The following TBXAS1 variants were observed in gnomAD, a reference collection of about 807,000 sequenced individuals.
TBXAS1 encodes thromboxane A synthase 1, also known as thromboxane-A synthase.
A neutral mutation model predicts 60.7 loss-of-function variants in TBXAS1; 48 were observed. The observed-to-expected ratio is 0.79, with a 90% CI of 0.63 to 1.01. The LOEUF is 1.01. Among genes scored for constraint, TBXAS1 ranks in the 50% least tolerant of loss-of-function variants. The pLI is 0.00. For missense variants in TBXAS1, 685 were observed against 686.3 expected (o/e 1.00, Z 0.02); for synonymous variants, 287 against 269.7 (o/e 1.06, Z -0.63).
chr7:139,963,724 C>A (rs754214720), intron 9 of TBXAS1, among the ~76,000 whole-genome samples: 1 of 152,152 alleles, frequency 6.6e-6, no homozygotes, highest in Non-Finnish European at 1.5e-5. Flanking sequence ...CCCAACCCAA[C>A]TGATTTAAGC....
chr7:139,903,236 CT>C (rs1299380500), intron 3 of TBXAS1, among the ~76,000 whole-genome samples: 1 of 152,072 alleles, frequency 6.6e-6, no homozygotes, highest in Non-Finnish European at 1.5e-5. Flanking sequence ...CAGAATAATA[CT>C]CTCCAGTCTC....
intron 3 of TBXAS1, among the ~76,000 whole-genome samples, chr7:139,891,612 T>C (rs1365428939): frequency 6.6e-6 from 1 of 152,166 alleles, no homozygotes; most frequent in Non-Finnish European, 1.5e-5. Flanking sequence ...ACATAATTAT[T>C]TGTTGGTTGA....
intron 4 of TBXAS1, among the ~76,000 whole-genome samples, chr7:139,791,159 T>C (rs1041772517): frequency 1.3e-5 from 2 of 152,190 alleles, no homozygotes; most frequent in African/African-American, 4.8e-5. Context: ...GAAACACTAA[T>C]ATAGTGGAAG....
intron 1 of TBXAS1, among the ~76,000 whole-genome samples, chr7:139,845,740 C>T (rs1052486853): frequency 6.6e-6 from 1 of 152,006 alleles, no homozygotes; most frequent in African/African-American, 2.4e-5. Context: ...TAGAGAATTT[C>T]CATTAATTTC....
intron 4 of TBXAS1, among the ~76,000 whole-genome samples, chr7:139,933,840 C>T (rs554780342): frequency 2.2e-5 from 3 of 138,734 alleles, no homozygotes; most frequent in South Asian, 4.7e-4. Context: ...GTCCCCCAAC[C>T]GCCTGTCTCC....
intron 9 of TBXAS1, among the ~76,000 whole-genome samples, chr7:139,974,959 A>G (rs1267953800): frequency 6.6e-6 from 1 of 152,248 alleles, no homozygotes; most frequent in African/African-American, 2.4e-5. Context: ...CTAATAGGAC[A>G]GAGACAGAAA....
At chr7:139,796,720 A>G (rs912231484) in intron 4 of TBXAS1, among the ~76,000 whole-genome samples, 1 of 152,236 alleles carries the variant, frequency 6.6e-6, no homozygotes, top group Non-Finnish European at 1.5e-5. Flanking sequence ...TGATAGAGGA[A>G]ACTGGAAGGA....
intron 1 of TBXAS1, among the ~76,000 whole-genome samples, chr7:139,858,339 T>G (rs1800726066): frequency 6.6e-6 from 1 of 152,218 alleles, no homozygotes; most frequent in African/African-American, 2.4e-5. Flanking sequence ...GTTTTTGTTT[T>G]TTTCCAGATT....
upstream of TBXAS1, among the ~76,000 whole-genome samples, chr7:139,824,621 A>G (rs931986927): frequency 1.3e-5 from 2 of 152,194 alleles, no homozygotes; most frequent in African/African-American, 2.4e-5. Flanking sequence ...ATAAGTGAGA[A>G]AGACCAGTTG....
chr7:139,926,696 TTC>T (rs1397781131), intron 4 of TBXAS1, among the ~76,000 whole-genome samples: 1 of 152,100 alleles, frequency 6.6e-6, no homozygotes, highest in Admixed American at 6.5e-5. Flanking sequence ...GCTTTTTTAG[TTC>T]TCTAAGATGT....
intron 3 of TBXAS1, among the ~76,000 whole-genome samples, chr7:139,889,635 G>T (rs1340718798): frequency 6.6e-6 from 1 of 152,208 alleles, no homozygotes; most frequent in African/African-American, 2.4e-5. Flanking sequence ...GGAACCAACA[G>T]ATTCATTGTC....
chr7:139,963,659 A>G (rs1810541280), intron 9 of TBXAS1, among the ~76,000 whole-genome samples: 1 of 152,242 alleles, frequency 6.6e-6, no homozygotes, highest in Admixed American at 6.5e-5. Flanking sequence ...AAGAAGTAAA[A>G]GGAGCTGGAA....
chr7:139,837,785 C>T (rs1799165358), intron 1 of TBXAS1, among the ~76,000 whole-genome samples: 1 of 152,098 alleles, frequency 6.6e-6, no homozygotes, highest in Non-Finnish European at 1.5e-5. Context: ...TAACCAAATG[C>T]CACCTGTGCC....
At position 139,986,740 on chromosome 7, in the gene TBXAS1, C is replaced by CATAT. The variant is rs1177275102; in HGVS notation, c.1135-20348_1135-20347insTATA. On this transcript the variant is annotated intron_variant, in intron 9 of 12. Coordinates refer to ENST00000448866, the MANE Select transcript of TBXAS1 (RefSeq NM_001061.7). ...ATTCCATCATATATATATATATATACATACATATATATATATGTGTGTGTG... is the reference window on the plus strand; with the variant it reads ...ATTCCATCATATATATATATATATACATATATACATATATATATATGTGTGTGTG... Among the ~76,000 whole-genome samples the CATAT allele has an allele frequency of 2.8e-3, 196 of 68,818 alleles. 3 individuals are homozygous for CATAT. Among genetic ancestry groups the CATAT allele is most frequent in the African/African-American group, 0.014 (185 of 13,064 alleles). The allele number at this position is 68,818 out of a possible 152,430, so 45.1% of individuals were successfully genotyped here. A position where few individuals can be genotyped will look rare whatever the true frequency, so the allele number is the denominator to read the frequency against.
In TBXAS1 at chr7:139,948,252, C is replaced by T. The variant is rs994808089; in HGVS notation, c.451-5116C>T. Among the ~76,000 whole-genome samples the T allele has an allele frequency of 1.2e-4, 18 of 152,154 alleles. No homozygotes were observed. The South Asian group carries it at 1.7e-3, about 14-fold the overall frequency. On this transcript the variant is annotated intron_variant, in intron 5 of 12. Transcript: ENST00000448866. ...CCTCTCTTTCTGGTTTGTGGGTAGC[C>T]GCCATCTTGCTCTGTGCCCACAAGA...
intron 9 of TBXAS1, 91 bp from the exon 10 acceptor site, chr7:140,007,000 T>A: frequency 1.6e-6 from 2 of 1,271,686 alleles, no homozygotes; most frequent in East Asian, 4.6e-5. Context: ...TTGCCAAAGT[T>A]GGAAACGAGA....
intron 4 of TBXAS1, among the ~76,000 whole-genome samples, chr7:139,824,250 A>C (rs1484337881): frequency 1.3e-5 from 2 of 152,212 alleles, no homozygotes; most frequent in East Asian, 3.8e-4. Context: ...CAGGGTAAGC[A>C]AAGCTCTGTG....
intron 1 of TBXAS1, among the ~76,000 whole-genome samples, chr7:139,850,252 A>T (rs972602013): frequency 6.6e-6 from 1 of 152,252 alleles, no homozygotes; most frequent in Non-Finnish European, 1.5e-5. Flanking sequence ...GCAATCCAGA[A>T]TCAGCCACAA....
chr7:139,945,273 T>C lies in TBXAS1; in HGVS notation c.451-8095T>C, dbSNP rs78403635. On this transcript the variant is annotated intron_variant, in intron 5 of 12. Coordinates refer to ENST00000448866, the MANE Select transcript of TBXAS1 (RefSeq NM_001061.7). ...GATGCTTTGTGACCTCCTTGGAATCTTCAAATGTCAGTGGAAAGGGACATT... is the reference window on the plus strand; with the variant it reads ...GATGCTTTGTGACCTCCTTGGAATCCTCAAATGTCAGTGGAAAGGGACATT... Among the ~76,000 whole-genome samples the C allele has an allele frequency of 5.0e-3, 758 of 152,350 alleles. 6 individuals carry two copies. Among genetic ancestry groups the C allele is most frequent in the African/African-American group, 0.018 (733 of 41,580 alleles).
Sources: allele counts gnomAD v4.1 joint callset (sites outside exome capture counted in the v4.1 genomes callset), GRCh38; gene constraint gnomAD v4.1.1; transcripts MANE v1.5; gene names NCBI Gene and HGNC (gene_info 2026-07-23, HGNC 2026-07-21).